GALK2: variants seen among roughly 807,000 people sequenced by gnomAD.
GALK2 encodes the protein N-acetylgalactosamine kinase.
GALK2 carries 36 observed loss-of-function variants against 52.4 expected under a neutral mutation model. The observed-to-expected ratio is 0.69, with a 90% confidence interval of 0.53 to 0.91. GALK2 has a LOEUF of 0.91. GALK2 is among the 40% of genes least tolerant of loss of function. The pLI is 0.00. For synonymous variants in GALK2, 176 were observed against 199.1 expected (o/e 0.88, Z 0.98); for missense variants, 579 against 559.1 (o/e 1.04, Z -0.36).
chr15:49,186,524 A>G (rs1209402200), intron 1 of GALK2, among the ~76,000 whole-genome samples: 1 of 142,732 alleles, frequency 7.0e-6, no homozygotes, highest in African/African-American at 2.6e-5. Flanking sequence ...TTTTCTCTGT[A>G]TTGTCCTGAA....
chr15:49,210,810 G>C (rs1291048482), intron 2 of GALK2, among the ~76,000 whole-genome samples: 1 of 151,958 alleles, frequency 6.6e-6, no homozygotes, highest in African/African-American at 2.4e-5. Context: ...GTAGTGGCAC[G>C]ATCTTGGCTC....
chr15:49,202,914 T>C (rs546410956), intron 2 of GALK2, among the ~76,000 whole-genome samples: 27 of 152,344 alleles, frequency 1.8e-4, no homozygotes, highest in African/African-American at 6.5e-4. Context: ...TGAGATAATA[T>C]CTCCTGGTGG....
At chr15:49,185,942 T>A (rs2086307611) in intron 1 of GALK2, among the ~76,000 whole-genome samples, 1 of 152,218 alleles carries the variant, frequency 6.6e-6, no homozygotes, top group Non-Finnish European at 1.5e-5. Context: ...TCTCCTAGCC[T>A]GTAAGGTTTC....
intron 1 of GALK2, among the ~76,000 whole-genome samples, chr15:49,190,192 C>T (rs1037832642): frequency 1.4e-4 from 22 of 152,218 alleles, no homozygotes; most frequent in African/African-American, 4.8e-4. Flanking sequence ...TCAAATTATC[C>T]GATTTCTATG....
At chr15:49,291,750 T>G (rs550889773) in intron 7 of GALK2, among the ~76,000 whole-genome samples, 13 of 152,306 alleles carry the variant, frequency 8.5e-5, no homozygotes, top group African/African-American at 2.6e-4. Context: ...GAGGAACATA[T>G]AGCTCTACTA....
At chr15:49,326,971 T>C (rs1435433217) in intron 9 of GALK2, 2 of 152,162 alleles carry the variant, frequency 1.3e-5, no homozygotes, top group East Asian at 1.9e-4. Flanking sequence ...TGTGCTAAAT[T>C]AATCATAGAG....
chr15:49,287,265 C>T (rs146212238), intron 7 of GALK2, among the ~76,000 whole-genome samples: 6 of 152,048 alleles, frequency 3.9e-5, no homozygotes, highest in African/African-American at 1.4e-4. Flanking sequence ...TCCCAATTGA[C>T]GTAGATAAAC....
At chr15:49,250,756 G>A (rs1169287583) in intron 5 of GALK2, among the ~76,000 whole-genome samples, 3 of 152,028 alleles carry the variant, frequency 2.0e-5, no homozygotes, top group East Asian at 1.9e-4. Context: ...TAAAAGACAG[G>A]GAAGTAAATT....
chr15:49,332,854 A>G (rs1459203771), downstream of GALK2, among the ~76,000 whole-genome samples: 1 of 152,144 alleles, frequency 6.6e-6, no homozygotes, highest in Non-Finnish European at 1.5e-5. Flanking sequence ...GAGTGGGATT[A>G]CTTAGTCGGA....
Position 49,258,788 on chromosome 15 carries a change from A to ATGTGTG in GALK2, c.504+19422_504+19423insGTGTGT, listed in dbSNP as rs1468439517. Among the ~76,000 whole-genome samples, 351 of 113,044 alleles carry ATGTGTG rather than the reference A, an allele frequency of 3.1e-3. 2 individuals are homozygous for ATGTGTG. The highest frequency in any genetic ancestry group is 0.011 in the African/African-American group (286 of 25,102). The allele number at this position is 113,044 out of a possible 152,430, so 74.2% of individuals were successfully genotyped here. ...CATTTATTTGGAAGCATATATATATATATATATGTGTGTGTGTGTGTGTGT... is the reference window on the plus strand; with the variant it reads ...CATTTATTTGGAAGCATATATATATATGTGTGTATATATGTGTGTGTGTGTGTGTGT... On this transcript the variant is annotated intron_variant, in intron 5 of 9. Transcript: ENST00000560031.
At chr15:49,170,125 C>A, upstream of GALK2, 1 of 1,316,638 alleles carries the variant, frequency 7.6e-7, no homozygotes, top group Non-Finnish European at 1.0e-6. Context: ...GGAGGGAACC[C>A]TGGCTGAGTC....
intron 3 of GALK2, among the ~76,000 whole-genome samples, chr15:49,224,405 T>G (rs1303512561): frequency 6.6e-6 from 1 of 152,166 alleles, no homozygotes; most frequent in Non-Finnish European, 1.5e-5. Flanking sequence ...CCATAAAATC[T>G]TGGCCAAATT....
intron 3 of GALK2, among the ~76,000 whole-genome samples, chr15:49,221,694 A>G (rs2089805944): frequency 6.6e-6 from 1 of 152,046 alleles, no homozygotes; most frequent in Admixed American, 6.6e-5. Flanking sequence ...ATTAAAAAAA[A>G]AAGAAAATGA....
chr15:49,205,362 C>T (rs1364535290), intron 2 of GALK2, among the ~76,000 whole-genome samples: 2 of 152,088 alleles, frequency 1.3e-5, no homozygotes, highest in African/African-American at 4.8e-5. Context: ...TAGAAGTGTT[C>T]CCTGTTCACC....
At position 49,261,005 on chromosome 15, in the gene GALK2, C is replaced by T. The variant is rs796939166; in HGVS notation, c.505-20982C>T. 7.2e-5 allele frequency among the ~76,000 whole-genome samples: 11 copies of T among 151,966 alleles called. No homozygotes were observed. In the Middle Eastern group the frequency reaches 0.01, roughly 141 times the overall value. ...TAGTTTGAAGTCAGGTAGTGTGATG[C>T]CTCCAGCTTTGTACTTTTGGCTTAG... On this transcript the variant is annotated intron_variant, in intron 5 of 9. Coordinates refer to ENST00000560031, the MANE Select transcript of GALK2 (RefSeq NM_002044.4).
At chr15:49,236,303 G>C (rs1183666810) in intron 4 of GALK2, among the ~76,000 whole-genome samples, 2 of 152,118 alleles carry the variant, frequency 1.3e-5, no homozygotes, top group Non-Finnish European at 2.9e-5. Flanking sequence ...GTCAGCCCAG[G>C]TTTGAATCTG....
chr15:49,308,365 G>T (rs949014726), intron 8 of GALK2, among the ~76,000 whole-genome samples: 3 of 152,118 alleles, frequency 2.0e-5, no homozygotes, highest in African/African-American at 7.2e-5. Flanking sequence ...ACTACTTTTA[G>T]CCCCTCACTC....
intron 3 of GALK2, among the ~76,000 whole-genome samples, chr15:49,221,511 CA>C (rs1249346980): frequency 6.6e-6 from 1 of 151,610 alleles, no homozygotes; most frequent in Non-Finnish European, 1.5e-5. Flanking sequence ...ATTAAAAATA[CA>C]AAAAATTAGC....
chr15:49,354,795 A>C (rs1165050963), intron 3 of GALK2, among the ~76,000 whole-genome samples: 2 of 151,948 alleles, frequency 1.3e-5, no homozygotes, highest in African/African-American at 4.8e-5. Context: ...CAGGGCACAG[A>C]CAAACAAAAA....
Sources: gnomAD v4.1 joint callset for allele counts (sites outside exome capture counted in the v4.1 genomes callset) on GRCh38, gnomAD v4.1.1 for gene constraint, MANE v1.5 for transcripts, NCBI Gene and HGNC (gene_info 2026-07-23, HGNC 2026-07-21) for gene names.